Variants in ELF1 observed in about 807,000 individuals in gnomAD.
ELF1 encodes the protein ETS-related transcription factor Elf-1.
In ELF1, 24 loss-of-function variants were observed where a neutral mutation model predicts 59.9. That is an observed-to-expected ratio of 0.40 (90% CI 0.29 to 0.56). The LOEUF is 0.56. ELF1 is among the 20% of genes least tolerant of loss of function. The pLI, the probability that ELF1 is intolerant of heterozygous loss-of-function variation, is 0.44. For missense variants in ELF1, 627 were observed against 742.2 expected, an observed-to-expected ratio of 0.84 and a Z score of 1.80; for synonymous variants, 248 against 266.2, an observed-to-expected ratio of 0.93 and a Z score of 0.67.
At chr13:41,061,048 A>T in exon 1 of ELF1, 1 of 194,264 alleles carries the variant, frequency 5.1e-6, no homozygotes, top group Non-Finnish European at 1.1e-5. Context: ...GCAACAGCAA[A>T]GTTTGAGGCG....
intron 1 of ELF1, among the ~76,000 whole-genome samples, chr13:40,992,485 G>A (rs1873905392): frequency 6.6e-6 from 1 of 152,188 alleles, no homozygotes; most frequent in South Asian, 2.1e-4. Flanking sequence ...TTAGGTATAA[G>A]TCAACAGTTT....
chr13:41,024,650 T>C (rs1225175831), intron 1 of ELF1, among the ~76,000 whole-genome samples: 1 of 152,194 alleles, frequency 6.6e-6, no homozygotes, highest in Non-Finnish European at 1.5e-5. Context: ...GTGCTTGGAT[T>C]ACAGGCATGA....
chr13:40,977,260 A>G (rs1260087569), intron 2 of ELF1, among the ~76,000 whole-genome samples: 1 of 152,060 alleles, frequency 6.6e-6, no homozygotes, highest in Non-Finnish European at 1.5e-5. Flanking sequence ...CACGCTTGTT[A>G]AGATCAAACC....
chr13:40,974,339 T>C (rs1369083361), intron 2 of ELF1, among the ~76,000 whole-genome samples: 1 of 152,180 alleles, frequency 6.6e-6, no homozygotes, highest in Non-Finnish European at 1.5e-5. Context: ...TTAAACTACT[T>C]TTCACCACTT....
intron 3 of ELF1, among the ~76,000 whole-genome samples, chr13:40,956,432 T>G (rs893879268): frequency 6.6e-6 from 1 of 152,190 alleles, no homozygotes; most frequent in East Asian, 1.9e-4. Flanking sequence ...ACACAAACAC[T>G]GTGGAAGGCC....
chr13:41,005,673 A>C (rs73176930), intron 1 of ELF1, among the ~76,000 whole-genome samples: 33,814 of 151,820 alleles, frequency 0.22, 4,289 homozygotes, highest in African/African-American at 0.34. Context: ...TTATTTACTC[A>C]TATATATTCA....
chr13:40,965,271 T>C (rs1004397155), intron 2 of ELF1, among the ~76,000 whole-genome samples: 1 of 152,144 alleles, frequency 6.6e-6, no homozygotes, highest in African/African-American at 2.4e-5. Context: ...ATAGCAGATA[T>C]TCATAAAATA....
chr13:41,031,645 C>T (rs1378998054), intron 1 of ELF1, among the ~76,000 whole-genome samples: 1 of 151,670 alleles, frequency 6.6e-6, no homozygotes, highest in African/African-American at 2.4e-5. Flanking sequence ...TGGTGAAACC[C>T]CGTCTTTACT....
intron 2 of ELF1, 127 bp from the exon 3 acceptor site, chr13:40,959,143 T>G: frequency 1.5e-6 from 2 of 1,300,146 alleles, no homozygotes; most frequent in Non-Finnish European, 2.0e-6. Flanking sequence ...GCTGTATCTC[T>G]ATAATCTTTC....
chr13:41,010,279 GAAAAA>G (rs199811451), intron 1 of ELF1, among the ~76,000 whole-genome samples: 1 of 128,928 alleles, frequency 7.8e-6, no homozygotes, highest in South Asian at 2.6e-4. Context: ...AGAAAGAAAG[GAAAAA>G]AAAAAAAAAC....
At chr13:41,014,904 T>C (rs1875269333) in intron 1 of ELF1, among the ~76,000 whole-genome samples, 1 of 152,018 alleles carries the variant, frequency 6.6e-6, no homozygotes, top group Non-Finnish European at 1.5e-5. Flanking sequence ...TCAAAAATCA[T>C]ATCCAAGCAT....
At chr13:40,961,453 G>A (rs558343245) in intron 2 of ELF1, among the ~76,000 whole-genome samples, 1 of 152,250 alleles carries the variant, frequency 6.6e-6, no homozygotes, top group South Asian at 2.1e-4. Context: ...CTGGAAGGCT[G>A]AAACAGGAGG....
At chr13:41,007,900 T>C (rs1056706802) in intron 1 of ELF1, among the ~76,000 whole-genome samples, 1 of 152,138 alleles carries the variant, frequency 6.6e-6, no homozygotes, top group Non-Finnish European at 1.5e-5. Context: ...ATTATTTGGC[T>C]TTTCCACTGT....
intron 1 of ELF1, among the ~76,000 whole-genome samples, chr13:40,999,162 A>G (rs1874275262): frequency 6.6e-6 from 1 of 152,266 alleles, no homozygotes; most frequent in Non-Finnish European, 1.5e-5. Flanking sequence ...TGTGGAAAAT[A>G]TAAAGATAAT....
Position 41,012,340 on chromosome 13 carries a change from T to C in ELF1, c.-229+6888A>G, listed in dbSNP as rs542951499. 7.6e-3 allele frequency among the ~76,000 whole-genome samples: 992 copies of C among 130,874 alleles called. 9 individuals are homozygous for C. The highest frequency in any genetic ancestry group is 0.02 in the African/African-American group (676 of 34,538). The allele number at this position is 130,874 out of a possible 152,430, so 85.9% of individuals were successfully genotyped here. The stretch of plus-strand genomic sequence containing the variant: ...AAAAAAAAAAAAAAAAAAAAAAGAG[T>C]ATTATGAAACAGTTAAACCAAAGAG... On this transcript the variant is annotated intron_variant, in intron 1 of 8. Coordinates refer to ENST00000239882, the MANE Select transcript of ELF1 (RefSeq NM_172373.4).
chr13:41,042,504 T>C (rs1183585954), intron 1 of ELF1, among the ~76,000 whole-genome samples: 3 of 151,996 alleles, frequency 2.0e-5, no homozygotes, highest in African/African-American at 7.3e-5. Context: ...TTTCCCTTCC[T>C]GTGTCCGAGT....
intron 2 of ELF1, among the ~76,000 whole-genome samples, chr13:40,981,713 T>C (rs1175267388): frequency 6.6e-6 from 1 of 152,118 alleles, no homozygotes; most frequent in Non-Finnish European, 1.5e-5. Flanking sequence ...ACTTAAGGCA[T>C]TTAGTGTTAA....
At chr13:40,999,054 T>C (rs1035468257) in intron 1 of ELF1, among the ~76,000 whole-genome samples, 44 of 152,282 alleles carry the variant, frequency 2.9e-4, no homozygotes, top group African/African-American at 1.1e-3. Flanking sequence ...AATCAAAAGA[T>C]CCCAAATATC....
intron 3 of ELF1, among the ~76,000 whole-genome samples, chr13:40,955,360 C>A (rs1694479404): frequency 6.9e-6 from 1 of 143,952 alleles, no homozygotes; most frequent in African/African-American, 2.6e-5. Context: ...GCCGCCCCAT[C>A]CGGGAGGGAG....
Sources: allele counts gnomAD v4.1 joint callset (sites outside exome capture counted in the v4.1 genomes callset), GRCh38; gene constraint gnomAD v4.1.1; transcripts MANE v1.5; gene names NCBI Gene and HGNC (gene_info 2026-07-23, HGNC 2026-07-21).